Variants in DCLK2 observed in about 807,000 individuals in gnomAD.
DCLK2 encodes doublecortin like kinase 2.
A neutral mutation model predicts 78.4 loss-of-function variants in DCLK2; 31 were observed. That is an observed-to-expected ratio of 0.40 (90% CI 0.30 to 0.53). DCLK2 has a LOEUF of 0.53. DCLK2 is among the 20% of genes least tolerant of loss of function. DCLK2 has a pLI of 0.61. For synonymous variants in DCLK2, 407 were observed against 374.9 expected, an observed-to-expected ratio of 1.09 and a Z score of -0.99; for missense variants, 872 against 973.7, an observed-to-expected ratio of 0.90 and a Z score of 1.39.
intron 2 of DCLK2, among the ~76,000 whole-genome samples, chr4:150,151,104 T>C (rs2150228816): frequency 7.4e-6 from 1 of 135,416 alleles, no homozygotes; most frequent in East Asian, 2.1e-4. Context: ...TTTGTTTTGT[T>C]CTGTTTTTAG....
intron 1 of DCLK2, among the ~76,000 whole-genome samples, chr4:150,096,129 G>C (rs1326583908): frequency 6.6e-6 from 1 of 152,236 alleles, no homozygotes; most frequent in East Asian, 1.9e-4. Flanking sequence ...AGAAACGAGA[G>C]AAGGCAGGGT....
chr4:150,091,339 G>A (rs1730051339), intron 1 of DCLK2, among the ~76,000 whole-genome samples: 1 of 152,138 alleles, frequency 6.6e-6, no homozygotes, highest in Non-Finnish European at 1.5e-5. Context: ...AAAATTCTAG[G>A]TTCCTAAGAT....
intron 2 of DCLK2, among the ~76,000 whole-genome samples, chr4:150,164,270 C>A (rs1304998267): frequency 6.6e-6 from 1 of 152,190 alleles, no homozygotes; most frequent in Non-Finnish European, 1.5e-5. Flanking sequence ...GCCCCATGCC[C>A]CAGAGTCTGA....
At chr4:150,101,714 A>G (rs963786419) in intron 1 of DCLK2, among the ~76,000 whole-genome samples, 14 of 152,210 alleles carry the variant, frequency 9.2e-5, no homozygotes, top group African/African-American at 3.4e-4. Flanking sequence ...TTGGCAAATA[A>G]TATAGCTCTT....
intron 5 of DCLK2, among the ~76,000 whole-genome samples, chr4:150,219,786 G>A (rs1741034781): frequency 6.6e-6 from 1 of 152,180 alleles, no homozygotes; most frequent in Non-Finnish European, 1.5e-5. Flanking sequence ...AAAGATAAAA[G>A]CAAATTGAAT....
At chr4:150,112,966 A>G (rs1731803259) in intron 2 of DCLK2, among the ~76,000 whole-genome samples, 1 of 151,910 alleles carries the variant, frequency 6.6e-6, no homozygotes, top group East Asian at 1.9e-4. Flanking sequence ...GCATGCCACC[A>G]TACCTGGCTA....
At chr4:150,109,672 C>T (rs1731526741) in intron 2 of DCLK2, among the ~76,000 whole-genome samples, 1 of 152,186 alleles carries the variant, frequency 6.6e-6, no homozygotes, top group South Asian at 2.1e-4. Context: ...ATCTAGACAA[C>T]TGAGTTTTGT....
intron 2 of DCLK2, among the ~76,000 whole-genome samples, chr4:150,134,211 G>C (rs1211843477): frequency 6.7e-6 from 1 of 149,868 alleles, no homozygotes; most frequent in Non-Finnish European, 1.5e-5. Flanking sequence ...CTCCCAAGTA[G>C]CTGGGATTAC....
intron 15 of DCLK2, among the ~76,000 whole-genome samples, chr4:150,250,848 A>ACCCACACCCCCACACCCCCACACATCC (rs1743746845): frequency 7.1e-6 from 1 of 141,194 alleles, no homozygotes; most frequent in Admixed American, 7.0e-5. Context: ...CACACACATA[A>ACCCACACCCCCACACCCCCACACATCC]CCCACATCCC....
At chr4:150,113,189 A>T (rs993992096) in intron 2 of DCLK2, among the ~76,000 whole-genome samples, 6 of 152,046 alleles carry the variant, frequency 3.9e-5, no homozygotes, top group African/African-American at 1.4e-4. Context: ...CGTCAGGGAT[A>T]TTGGTCTGTA....
chr4:150,164,867 A>G (rs1034099483), intron 2 of DCLK2, among the ~76,000 whole-genome samples: 4 of 152,214 alleles, frequency 2.6e-5, no homozygotes, highest in Admixed American at 2.6e-4. Flanking sequence ...CTGGAGTACT[A>G]AAAATTCATT....
At chr4:150,151,797 C>T (rs1038373410) in intron 2 of DCLK2, among the ~76,000 whole-genome samples, 4 of 151,960 alleles carry the variant, frequency 2.6e-5, no homozygotes, top group African/African-American at 9.7e-5. Flanking sequence ...TGGTGGCAGG[C>T]GCCTGTGATC....
Position 150,079,091 on chromosome 4 carries a change from G to C in DCLK2, c.64G>C (p.Gly22Arg), listed in dbSNP as rs1729036243. 3 of 1,564,462 alleles carry C rather than the reference G, an allele frequency of 1.9e-6. No individual in the cohort carries two copies. The highest frequency in any genetic ancestry group is 1.2e-5 in the South Asian group (1 of 82,010). ...GGAACGGGACAAAAGGCCGCGGCCG[G>C]GGTCGCGGAGAGGGGCCCCCAGCTC... ...FEERDKRPRPGSRRGAPSSSG... is the reference protein window; with the variant it reads ...FEERDKRPRPRSRRGAPSSSG... Residue 22 changes from glycine (G) to arginine (R), a missense_variant, in exon 1 of 16, where the codon GGG becomes CGG. Physicochemically the swap from Gly to Arg is moderately radical, Grantham distance 125. Coordinates refer to ENST00000296550, the MANE Select transcript of DCLK2 (RefSeq NM_001040260.4).
intron 2 of DCLK2, among the ~76,000 whole-genome samples, chr4:150,115,012 T>A (rs1731972737): frequency 6.6e-6 from 1 of 152,234 alleles, no homozygotes; most frequent in African/African-American, 2.4e-5. Flanking sequence ...CTTCTCCCTC[T>A]GGTATACCAA....
At chr4:150,196,370 C>T (rs949778752) in intron 3 of DCLK2, among the ~76,000 whole-genome samples, 3 of 152,142 alleles carry the variant, frequency 2.0e-5, no homozygotes, top group Admixed American at 6.5e-5. Context: ...TTTCAACAGT[C>T]GGATACTTTT....
At chr4:150,114,913 T>C (rs969243193) in intron 2 of DCLK2, among the ~76,000 whole-genome samples, 4 of 152,218 alleles carry the variant, frequency 2.6e-5, no homozygotes, top group African/African-American at 9.6e-5. Flanking sequence ...TTTGAGCTTC[T>C]TGTATTTAGA....
rs1560850690 is a variant in DCLK2, at chr4:150,190,235, T to TGGATAGTTAGATAGATAGACAGA, written c.757-2903_757-2902insGGATAGTTAGATAGATAGACAGA. 2.5e-3 allele frequency among the ~76,000 whole-genome samples: 286 copies of TGGATAGTTAGATAGATAGACAGA among 115,558 alleles called. 2 individuals carry two copies. The highest frequency in any genetic ancestry group is 4.2e-3 in the Non-Finnish European group (205 of 49,002). 75.8% of individuals were successfully genotyped at this position (115,558 alleles called of 152,430 possible). A position where few individuals can be genotyped will look rare whatever the true frequency, so the allele number is the denominator to read the frequency against. ...GATAGATAGATGGATAGATGGATAG[T>TGGATAGTTAGATAGATAGACAGA]TAGATAGATAGATAGATAGATAGAT... On this transcript the variant is annotated intron_variant, in intron 2 of 15. Coordinates refer to ENST00000296550, the MANE Select transcript of DCLK2 (RefSeq NM_001040260.4).
chr4:150,158,880 G>T (rs1442491973), intron 2 of DCLK2, among the ~76,000 whole-genome samples: 1 of 151,980 alleles, frequency 6.6e-6, no homozygotes, highest in Non-Finnish European at 1.5e-5. Flanking sequence ...AAAAAAGAAA[G>T]AAATGCAAGC....
intron 8 of DCLK2, among the ~76,000 whole-genome samples, chr4:150,228,764 C>T (rs929406697): frequency 3.9e-5 from 6 of 152,098 alleles, no homozygotes; most frequent in Admixed American, 2.0e-4. Context: ...CGGTGGCTCA[C>T]GCCTGTAATC....
Sources: allele counts gnomAD v4.1 joint callset (sites outside exome capture counted in the v4.1 genomes callset), GRCh38; gene constraint gnomAD v4.1.1; transcripts MANE v1.5; gene names NCBI Gene and HGNC (gene_info 2026-07-23, HGNC 2026-07-21).